GPC5: variants seen among roughly 807,000 people sequenced by gnomAD.
GPC5 encodes glypican 5.
GPC5 carries 47 observed loss-of-function variants against 53.9 expected under a neutral mutation model. That is an observed-to-expected ratio of 0.87 (90% confidence interval 0.69 to 1.11). The LOEUF is 1.11. Ranked by LOEUF, GPC5 falls within the 50% of genes most tolerant of loss-of-function variation. The pLI, the probability that GPC5 is intolerant of heterozygous loss-of-function variation, is 0.00. For synonymous variants in GPC5, 286 were observed against 263.3 expected (o/e 1.09, Z -0.84); for missense variants, 748 against 713.1 (o/e 1.05, Z -0.56).
chr13:91,401,554 C>T (rs1001697372), intron 1 of GPC5, among the ~76,000 whole-genome samples: 1 of 152,118 alleles, frequency 6.6e-6, no homozygotes, highest in African/African-American at 2.4e-5. Context: ...CTGACTAAAA[C>T]AAACACATTT....
chr13:91,663,832 T>C (rs1176161590), intron 2 of GPC5, among the ~76,000 whole-genome samples: 1 of 152,138 alleles, frequency 6.6e-6, no homozygotes, highest in East Asian at 1.9e-4. Flanking sequence ...TTCAATTACA[T>C]TAATTTTTAA....
At chr13:92,566,118 A>C (rs1882855647) in intron 7 of GPC5, among the ~76,000 whole-genome samples, 1 of 152,066 alleles carries the variant, frequency 6.6e-6, no homozygotes, top group Non-Finnish European at 1.5e-5. Flanking sequence ...ATTATCATTT[A>C]ATCTTGATAA....
chr13:92,292,649 C>T (rs117586626), intron 7 of GPC5, among the ~76,000 whole-genome samples: 4,309 of 152,062 alleles, frequency 0.028, 80 homozygotes, highest in Non-Finnish European at 0.041. Flanking sequence ...TTTCTTTTGC[C>T]GCGCAAAAGC....
chr13:92,702,799 G>A (rs1201104747), intron 7 of GPC5, among the ~76,000 whole-genome samples: 1 of 151,942 alleles, frequency 6.6e-6, no homozygotes, highest in Non-Finnish European at 1.5e-5. Context: ...AAGCTAATCG[G>A]TGTCTTGCAT....
chr13:91,959,316 A>G (rs2139072516), intron 6 of GPC5, among the ~76,000 whole-genome samples: 1 of 146,962 alleles, frequency 6.8e-6, no homozygotes, highest in African/African-American at 2.5e-5. Flanking sequence ...AAATGGATAA[A>G]TTATACATAC....
intron 6 of GPC5, among the ~76,000 whole-genome samples, chr13:92,094,229 C>G (rs2041402900): frequency 6.6e-6 from 1 of 151,992 alleles, no homozygotes; most frequent in Non-Finnish European, 1.5e-5. Flanking sequence ...ATTTAAGAAA[C>G]TTTTCGGCCG....
At chr13:92,752,521 G>A (rs1889439185) in intron 7 of GPC5, among the ~76,000 whole-genome samples, 1 of 152,282 alleles carries the variant, frequency 6.6e-6, no homozygotes, top group South Asian at 2.1e-4. Flanking sequence ...CCGGTCTACA[G>A]CTCCCAGCGT....
intron 7 of GPC5, among the ~76,000 whole-genome samples, chr13:92,283,673 A>C (rs1338274749): frequency 6.6e-6 from 1 of 152,366 alleles, no homozygotes; most frequent in Admixed American, 6.5e-5. Flanking sequence ...AGGCAGAAAT[A>C]AAGATGTTCT....
At chr13:92,148,757 C>T (rs1353863151) in intron 7 of GPC5, among the ~76,000 whole-genome samples, 1 of 151,964 alleles carries the variant, frequency 6.6e-6, no homozygotes, top group East Asian at 1.9e-4. Flanking sequence ...GTTCTAAACA[C>T]AACTGGAAAA....
At chr13:91,768,858 T>G (rs2037571517) in intron 5 of GPC5, among the ~76,000 whole-genome samples, 1 of 152,186 alleles carries the variant, frequency 6.6e-6, no homozygotes, top group Non-Finnish European at 1.5e-5. Context: ...CGTCTCAAAT[T>G]AGAATACAGT....
chr13:91,460,331 C>T (rs1009422780), intron 2 of GPC5, among the ~76,000 whole-genome samples: 4 of 150,872 alleles, frequency 2.7e-5, no homozygotes, highest in African/African-American at 4.9e-5. Flanking sequence ...CAGAGTCTTA[C>T]TTGTTGCCCA....
chr13:92,236,038 G>T (rs909431998), intron 7 of GPC5, among the ~76,000 whole-genome samples: 9 of 152,048 alleles, frequency 5.9e-5, no homozygotes. Flanking sequence ...TATAAGAGAA[G>T]TCTGATCCTT....
At chr13:91,779,076 G>T (rs981191359) in intron 5 of GPC5, among the ~76,000 whole-genome samples, 2 of 152,200 alleles carry the variant, frequency 1.3e-5, no homozygotes, top group Admixed American at 6.5e-5. Context: ...ATTGGAAGTT[G>T]CTCTGGGTGA....
intron 7 of GPC5, among the ~76,000 whole-genome samples, chr13:92,581,771 A>G (rs373108782): frequency 3.9e-5 from 6 of 152,172 alleles, no homozygotes; most frequent in African/African-American, 1.4e-4. Context: ...CAGATGTGAG[A>G]TGATACCTTA....
At chr13:92,302,812 T>G (rs971635176) in intron 7 of GPC5, among the ~76,000 whole-genome samples, 1 of 152,192 alleles carries the variant, frequency 6.6e-6, no homozygotes, top group African/African-American at 2.4e-5. Context: ...ACATCTTCCA[T>G]CTCCTTAAGT....
intron 7 of GPC5, among the ~76,000 whole-genome samples, chr13:92,758,826 C>T (rs531455783): frequency 1.1e-3 from 169 of 152,004 alleles, no homozygotes; most frequent in Non-Finnish European, 1.9e-3. Flanking sequence ...AAGGGGATTT[C>T]GCCTATATTT....
At position 92,777,022 on chromosome 13, in the gene GPC5, CAAAAAAA is replaced by C. The variant is rs1243297680; in HGVS notation, c.1562-89239_1562-89233del. On this transcript the variant is annotated intron_variant, in intron 7 of 7. Coordinates refer to ENST00000377067, the MANE Select transcript of GPC5 (RefSeq NM_004466.6). The stretch of plus-strand genomic sequence containing the variant: ...TGGGCAACAGAGAGAGACCCTGCCT[CAAAAAAA>C]AAAAAAAAAAAAAAAAAAAAGGCTG... 2.2e-4 allele frequency among the ~76,000 whole-genome samples: 6 copies of C among 26,684 alleles called. No homozygotes were observed. The East Asian group carries it at 6.4e-3, about 28-fold the overall frequency. The allele number at this position is 26,684 out of a possible 152,430, so 17.5% of individuals were successfully genotyped here.
chr13:91,533,320 A>G (rs749493902), intron 2 of GPC5, among the ~76,000 whole-genome samples: 9 of 152,192 alleles, frequency 5.9e-5, no homozygotes, highest in Non-Finnish European at 1.2e-4. Flanking sequence ...TGTTATAATC[A>G]TTGGGCTTGA....
intron 4 of GPC5, among the ~76,000 whole-genome samples, chr13:91,746,334 A>G (rs1057227419): frequency 1.9e-4 from 29 of 152,104 alleles, no homozygotes; most frequent in Admixed American, 1.3e-3. Flanking sequence ...GACTGACTTT[A>G]GGGGTAAAAA....
Sources: gnomAD v4.1 joint callset for allele counts (sites outside exome capture counted in the v4.1 genomes callset) on GRCh38, gnomAD v4.1.1 for gene constraint, MANE v1.5 for transcripts, NCBI Gene and HGNC (gene_info 2026-07-23, HGNC 2026-07-21) for gene names.